The following SH3D19 variants were observed in gnomAD, a reference collection of about 807,000 sequenced individuals.
SH3D19 encodes SH3 domain containing 19, also known as SH3 domain-containing protein 19.
In SH3D19, 58 loss-of-function variants were observed where a neutral mutation model predicts 112.1. The observed-to-expected ratio is 0.52, with a 90% confidence interval of 0.42 to 0.64. The LOEUF (loss-of-function observed/expected upper bound fraction) is 0.64, where lower values mean the gene tolerates loss of function less well. Ranked by LOEUF, SH3D19 falls within the 30% of genes least tolerant of loss-of-function variation. The pLI is 0.00. For synonymous variants in SH3D19, 391 were observed against 448.5 expected (o/e 0.87, Z 1.62); for missense variants, 1,090 against 1,263.4 (o/e 0.86, Z 2.08).
chr4:151,294,693 G>A (rs1775580823), intron 1 of SH3D19, among the ~76,000 whole-genome samples: 2 of 152,250 alleles, frequency 1.3e-5, no homozygotes, highest in South Asian at 4.1e-4. Flanking sequence ...ACCATTCCAG[G>A]CATGGAGGAC....
intron 14 of SH3D19, among the ~76,000 whole-genome samples, chr4:151,136,136 A>G (rs11723219): frequency 0.86 from 131,075 of 152,150 alleles, 57,204 homozygotes; most frequent in Non-Finnish European, 0.95. Flanking sequence ...AAGTGGCAAC[A>G]CTTTGTTTTA....
intron 1 of SH3D19, among the ~76,000 whole-genome samples, chr4:151,251,047 C>T (rs1049111306): frequency 6.6e-6 from 1 of 152,130 alleles, no homozygotes; most frequent in African/African-American, 2.4e-5. Context: ...CATAATCTGC[C>T]TTTAGGATTA....
intron 1 of SH3D19, among the ~76,000 whole-genome samples, chr4:151,241,580 T>TATA (rs1450775271): frequency 6.6e-6 from 1 of 151,056 alleles, no homozygotes; most frequent in African/African-American, 2.5e-5. Context: ...AATTTATTTA[T>TATA]TTAAGACAGG....
chr4:151,191,372 G>A (rs1475277906), intron 2 of SH3D19, among the ~76,000 whole-genome samples: 2 of 152,158 alleles, frequency 1.3e-5, no homozygotes, highest in African/African-American at 4.8e-5. Context: ...ACATTTGGGA[G>A]GGGCCAGGGG....
intron 2 of SH3D19, among the ~76,000 whole-genome samples, chr4:151,206,626 T>C (rs1035450253): frequency 6.6e-6 from 1 of 152,222 alleles, no homozygotes; most frequent in African/African-American, 2.4e-5. Flanking sequence ...CTTTCATTTC[T>C]AAATTACGGT....
chr4:151,255,135 C>A (rs1364610657), intron 1 of SH3D19, among the ~76,000 whole-genome samples: 7 of 150,860 alleles, frequency 4.6e-5, no homozygotes, highest in Non-Finnish European at 8.9e-5. Context: ...TGACCCCCCC[C>A]ACCTCCCTCC....
At chr4:151,324,462 A>G (rs886334088) in intron 1 of SH3D19, among the ~76,000 whole-genome samples, 3 of 152,004 alleles carry the variant, frequency 2.0e-5, no homozygotes, top group Non-Finnish European at 2.9e-5. Flanking sequence ...GATAACTCGG[A>G]TTACCCAGTT....
At chr4:151,317,833 C>T (rs1193031622) in intron 1 of SH3D19, among the ~76,000 whole-genome samples, 3 of 151,948 alleles carry the variant, frequency 2.0e-5, no homozygotes, top group Admixed American at 6.6e-5. Flanking sequence ...AATCAGCCAA[C>T]GTGGTCGCAG....
chr4:151,190,589 G>A (rs552288862), intron 2 of SH3D19, among the ~76,000 whole-genome samples: 44 of 152,318 alleles, frequency 2.9e-4, no homozygotes, highest in African/African-American at 8.7e-4. Context: ...GCTTCAGAGG[G>A]TGCAAGCCCC....
intron 2 of SH3D19, among the ~76,000 whole-genome samples, chr4:151,221,245 T>C (rs1022959444): frequency 2.0e-5 from 3 of 152,248 alleles, no homozygotes; most frequent in Non-Finnish European, 4.4e-5. Flanking sequence ...ATTTCTGTTA[T>C]CCCTGTTGGG....
At chr4:151,181,470 T>C (rs946524162) in intron 3 of SH3D19, among the ~76,000 whole-genome samples, 2 of 152,164 alleles carry the variant, frequency 1.3e-5, no homozygotes, top group African/African-American at 4.8e-5. Context: ...CATATTCATA[T>C]CATCAACTGG....
At chr4:151,269,387 T>C (rs1278327945) in intron 1 of SH3D19, among the ~76,000 whole-genome samples, 2 of 152,166 alleles carry the variant, frequency 1.3e-5, no homozygotes, top group African/African-American at 4.8e-5. Context: ...TCCCATTTTG[T>C]AGGTTGCCTG....
chr4:151,273,454 G>C (rs1246070166), intron 1 of SH3D19, among the ~76,000 whole-genome samples: 1 of 151,944 alleles, frequency 6.6e-6, no homozygotes, highest in Non-Finnish European at 1.5e-5. Flanking sequence ...GCTGGGCGTG[G>C]TGGTGGGCGC....
rs566098428 is a variant in SH3D19, at chr4:151,284,872, T to G, written c.112+40369A>C. ...GCTTGGAGTCTAACCTGCACATGTA[T>G]GTAATTCAGGGTGTATTCAGAAATT... is the stretch of plus-strand genomic sequence containing the variant. On this transcript the variant is annotated intron_variant, in intron 1 of 19. Transcript: ENST00000604030. Among the ~76,000 whole-genome samples the G allele has an allele frequency of 1.9e-4, 29 of 152,310 alleles. No individual in the cohort carries two copies. The East Asian group carries it at 5.0e-3, about 26-fold the overall frequency.
intron 1 of SH3D19, among the ~76,000 whole-genome samples, chr4:151,312,952 G>A (rs1729614645): frequency 6.6e-6 from 1 of 151,498 alleles, no homozygotes; most frequent in African/African-American, 2.4e-5. Flanking sequence ...AGCCGGGTGT[G>A]GTGGTGAGTG....
intron 2 of SH3D19, among the ~76,000 whole-genome samples, chr4:151,212,260 C>T (rs185506243): frequency 1.3e-3 from 191 of 152,316 alleles, no homozygotes; most frequent in African/African-American, 4.3e-3. Context: ...CTCAAGCAAT[C>T]CTCCTGCCTC....
intron 1 of SH3D19, among the ~76,000 whole-genome samples, chr4:151,260,146 T>G (rs765951869): frequency 5.9e-5 from 9 of 152,266 alleles, no homozygotes; most frequent in Admixed American, 5.9e-4. Flanking sequence ...CTAGACTGCA[T>G]AGCAGTGATG....
intron 1 of SH3D19, among the ~76,000 whole-genome samples, chr4:151,310,192 A>G (rs1457615282): frequency 3.5e-5 from 5 of 143,652 alleles, no homozygotes; most frequent in Admixed American, 7.4e-5. Flanking sequence ...TGGTTAACAC[A>G]GCGAAACTCT....
At chr4:151,296,044 A>G (rs111902959) in intron 1 of SH3D19, among the ~76,000 whole-genome samples, 2 of 150,954 alleles carry the variant, frequency 1.3e-5, no homozygotes, top group African/African-American at 4.9e-5. Flanking sequence ...CAAAAAAAAA[A>G]AAAGAAAGAA....
Sources: allele counts gnomAD v4.1 joint callset (sites outside exome capture counted in the v4.1 genomes callset), GRCh38; gene constraint gnomAD v4.1.1; transcripts MANE v1.5; gene names NCBI Gene and HGNC (gene_info 2026-07-23, HGNC 2026-07-21).